Variants in MGAT5B observed in about 807,000 individuals in gnomAD.
The protein encoded by MGAT5B is alpha-1,6-mannosylglycoprotein 6-beta-N-acetylglucosaminyltransferase B.
In MGAT5B, 54 loss-of-function variants were observed where a neutral mutation model predicts 95.1. The ratio of observed to expected loss-of-function variants is 0.57; its 90% CI spans 0.46 to 0.71. The LOEUF (loss-of-function observed/expected upper bound fraction) is 0.71, where lower values mean the gene tolerates loss of function less well. Ranked by LOEUF, MGAT5B falls within the 30% of genes least tolerant of loss-of-function variation. MGAT5B has a pLI of 0.00. For missense variants in MGAT5B, 935 were observed against 1,088.6 expected (o/e 0.86, Z 1.99); for synonymous variants, 464 against 451.0 (o/e 1.03, Z -0.36).
chr17:76,916,545 C>T lies in MGAT5B; in HGVS notation c.1026-8421C>T, dbSNP rs1182089558. Among the ~76,000 whole-genome samples, 3 of 152,198 alleles carry T rather than the reference C, an allele frequency of 2.0e-5. No individual in the cohort carries two copies. The highest frequency in any genetic ancestry group is 4.4e-5 in the Non-Finnish European group (3 of 68,038). On this transcript the variant is annotated intron_variant, in intron 8 of 17. Coordinates refer to ENST00000569840, the MANE Select transcript of MGAT5B (RefSeq NM_001199172.2). This position sits in a 1 kb window ranked among gnomAD's most constrained non-coding sequence, Gnocchi z 5.3. ...GGCCCTCGGCTCATACCCGTAACCC[C>T]AGCACTTTGGGAGGCTGGGATTACA...
In MGAT5B at chr17:76,917,020, C is replaced by G. The variant is rs72887766; in HGVS notation, c.1026-7946C>G. On this transcript the variant is annotated intron_variant, in intron 8 of 17. Transcript: ENST00000569840. The surrounding 1 kb of genome is among the most constrained non-coding windows in gnomAD (Gnocchi z 6.1). ...GTGGTACGAATAACCCCCTAGCACT[C>G]TTCCCGACTACGCTGTCAGGTTTGA... is the stretch of plus-strand genomic sequence containing the variant. Among the ~76,000 whole-genome samples, 2,377 of 152,296 alleles carry G rather than the reference C, an allele frequency of 0.016. 29 individuals are homozygous for G. The highest frequency in any genetic ancestry group is 0.041 in the Middle Eastern group (12 of 294).
rs979164908 is a variant in MGAT5B, at chr17:76,940,017, G to A, written c.1585-385G>A. 1.3e-5 allele frequency among the ~76,000 whole-genome samples: 2 copies of A among 152,142 alleles called. No individual in the cohort carries two copies. Among genetic ancestry groups the A allele is most frequent in the African/African-American group, 4.8e-5 (2 of 41,432 alleles). On this transcript the variant is annotated intron_variant, in intron 13 of 17. Transcript: ENST00000569840. The surrounding 1 kb of genome is among the most constrained non-coding windows in gnomAD (Gnocchi z 4.3). ...AAATGTTTTTGGGATGAGTGAGTGA[G>A]GTTCCTGGAGGTCTCTTGCAGGTGC...
chr17:76,871,849 G>A (rs904284562), intron 1 of MGAT5B, among the ~76,000 whole-genome samples: 14 of 152,202 alleles, frequency 9.2e-5, no homozygotes, highest in African/African-American at 3.1e-4. Flanking sequence ...TCCCAGAAGA[G>A]CCCCAAGGCT....
At chr17:76,894,719 G>A (rs1416210944) in intron 3 of MGAT5B, among the ~76,000 whole-genome samples, 3 of 151,994 alleles carry the variant, frequency 2.0e-5, no homozygotes, top group African/African-American at 7.3e-5. Flanking sequence ...GCTGGGCGTT[G>A]TGGTGCACCT....
At chr17:76,910,782 C>G (rs562692935) in intron 8 of MGAT5B, among the ~76,000 whole-genome samples, 69 of 152,294 alleles carry the variant, frequency 4.5e-4, no homozygotes, top group African/African-American at 1.7e-3. Context: ...ATGGGCAGGC[C>G]CAGGGCTGTG....
rs1298664897 is a variant in MGAT5B at position 76,870,748 on chromosome 17, G to A, written c.68+1651G>A. On this transcript the variant is annotated intron_variant, in intron 1 of 17. Coordinates refer to ENST00000569840, the MANE Select transcript of MGAT5B (RefSeq NM_001199172.2). This position sits in a 1 kb window ranked among gnomAD's most constrained non-coding sequence, Gnocchi z 5.0. The stretch of plus-strand genomic sequence containing the variant: ...ATCAGTGAGTCCCTTCAGTTGAGGT[G>A]GGGGGCAGGCTGCAATCATAGCACC... Among the ~76,000 whole-genome samples the A allele has an allele frequency of 1.3e-5, 2 of 152,022 alleles. No individual in the cohort carries two copies. The highest frequency in any genetic ancestry group is 4.8e-5 in the African/African-American group (2 of 41,396).
intron 2 of MGAT5B, among the ~76,000 whole-genome samples, chr17:76,881,272 G>T (rs655638): frequency 0.36 from 55,108 of 152,078 alleles, 12,418 homozygotes; most frequent in African/African-American, 0.61. Flanking sequence ...TCATTTTCAT[G>T]TAATTTTCTT....
intron 8 of MGAT5B, among the ~76,000 whole-genome samples, chr17:76,921,127 G>A (rs531914094): frequency 5.9e-5 from 9 of 152,308 alleles, no homozygotes; most frequent in East Asian, 1.9e-4. Context: ...AGTTAAGCAC[G>A]TGGAGGTGAG....
chr17:76,877,364 G>C (rs1436673416), intron 2 of MGAT5B, among the ~76,000 whole-genome samples: 1 of 151,524 alleles, frequency 6.6e-6, no homozygotes, highest in Non-Finnish European at 1.5e-5. Flanking sequence ...AGTGGTAGGA[G>C]GCTATCTTTT....
intron 3 of MGAT5B, among the ~76,000 whole-genome samples, chr17:76,888,869 C>T (rs1416093792): frequency 1.3e-5 from 2 of 152,190 alleles, no homozygotes; most frequent in Admixed American, 6.5e-5. Flanking sequence ...TGGCCCCGGC[C>T]CATCACCCTA....
rs1969820875 is a variant in MGAT5B at position 76,940,319 on chromosome 17, C to G, written c.1585-83C>G. 6.8e-7 allele frequency: 1 copy of G among 1,465,812 alleles called. No individual in the cohort carries two copies. Among genetic ancestry groups the G allele is most frequent in the Non-Finnish European group, 9.1e-7 (1 of 1,102,766 alleles). The allele number at this position is 1,465,812 out of a possible 1,614,324, so 90.8% of individuals were successfully genotyped here. A position where few individuals can be genotyped will look rare whatever the true frequency, so the allele number is the denominator to read the frequency against. ...CTGCCTCCTGTGAATATCCCGAAGC[C>G]TCACCTTGTCCCCGGCATCCTGGTG... is the stretch of plus-strand genomic sequence containing the variant. On this transcript the variant is annotated intron_variant, in intron 13 of 17. Transcript: ENST00000569840. The surrounding 1 kb of genome is among the most constrained non-coding windows in gnomAD (Gnocchi z 4.3).
chr17:76,882,270 G>T lies in MGAT5B; in HGVS notation c.301G>T (p.Gly101Cys). 1 of 1,612,868 alleles carries T rather than the reference G, an allele frequency of 6.2e-7. No individual in the cohort carries two copies. The highest frequency in any genetic ancestry group is 8.5e-7 in the Non-Finnish European group (1 of 1,179,694). ...LENSSELHRAGGDLHFPADRM... is the reference protein window; with the variant it reads ...LENSSELHRACGDLHFPADRM... Reference sequence around the variant, plus strand: ...GAACAGCAGTGAGCTGCACCGGGCCGGCGGCGACCTGCACTTTCCCGCAGA... The same window carrying T: ...GAACAGCAGTGAGCTGCACCGGGCCTGCGGCGACCTGCACTTTCCCGCAGA... Residue 101 changes from glycine to cysteine, a missense_variant, in exon 3 of 18, where the codon GGC (glycine) becomes TGC (cysteine). Physicochemically the swap from Gly to Cys is radical, Grantham distance 159. This residue lies in a region of MGAT5B where 243 missense variants were observed against 228.2 expected (regional missense o/e 1.06). Coordinates refer to ENST00000569840, the MANE Select transcript of MGAT5B (RefSeq NM_001199172.2).
chr17:76,943,349 A>G (rs960970217), intron 15 of MGAT5B, among the ~76,000 whole-genome samples: 34 of 152,272 alleles, frequency 2.2e-4, no homozygotes, highest in African/African-American at 7.5e-4. Context: ...CTCTGCCTTC[A>G]GACCCCTCCC....
At chr17:76,886,331 A>G (rs1456527850) in intron 3 of MGAT5B, among the ~76,000 whole-genome samples, 1 of 152,076 alleles carries the variant, frequency 6.6e-6, no homozygotes, top group African/African-American at 2.4e-5. Context: ...GGCCCCTCAG[A>G]GTGGGGCAGA....
chr17:76,869,678 C>A lies in MGAT5B; in HGVS notation c.68+581C>A, dbSNP rs1384372833. On this transcript the variant is annotated intron_variant, in intron 1 of 17. Transcript: ENST00000569840. This position sits in a 1 kb window ranked among gnomAD's most constrained non-coding sequence, Gnocchi z 7.0. ...GCGAGGACTCGCTCATCCCAGGATT[C>A]GCCCCCGATCGCAGGCGTCGGAGAG... Among the ~76,000 whole-genome samples, 1 of 152,224 alleles carries A rather than the reference C, an allele frequency of 6.6e-6. No homozygotes were observed. Among genetic ancestry groups the A allele is most frequent in the African/African-American group, 2.4e-5 (1 of 41,458 alleles).
chr17:76,913,857 T>G (rs769739681), intron 8 of MGAT5B: 1 of 449,710 alleles, frequency 2.2e-6, no homozygotes, highest in South Asian at 1.6e-5. Context: ...ACTCCTGTAA[T>G]CCCAGCACTT....
At chr17:76,921,635 C>T (rs1795922834) in intron 8 of MGAT5B, among the ~76,000 whole-genome samples, 1 of 152,020 alleles carries the variant, frequency 6.6e-6, no homozygotes, top group African/African-American at 2.4e-5. Flanking sequence ...TGCTGCAGAT[C>T]CTGGGGGGCG....
intron 2 of MGAT5B, among the ~76,000 whole-genome samples, chr17:76,878,430 G>T (rs1598891404): frequency 6.6e-6 from 1 of 152,150 alleles, no homozygotes; most frequent in Admixed American, 6.5e-5. Flanking sequence ...CATGGTCATC[G>T]TGAAACCCAG....
chr17:76,903,315 G>C lies in MGAT5B; in HGVS notation c.458G>C (p.Arg153Pro). Residue 153 changes from arginine (R) to proline (P), a missense_variant, in exon 5 of 18, where the codon CGG becomes CCG. Around this residue, in one of 4 missense-constraint regions of MGAT5B, gnomAD observed 243 missense variants for 228.2 expected, o/e 1.06. Transcript: ENST00000569840. ...CCTCTCCCTACAGTGTCAGAAGGCC[G>C]GCGGGACCAGTGTGAGGCACCCAGT... ...LLLHSKVSEG[R>P]RDQCEAPSDP... is the part of the protein sequence containing the mutation. 1.2e-6 allele frequency: 2 copies of C among 1,610,878 alleles called. No homozygotes were observed. Among genetic ancestry groups the C allele is most frequent in the Non-Finnish European group, 1.7e-6 (2 of 1,178,526 alleles).
Sources: gnomAD v4.1 joint callset for allele counts (sites outside exome capture counted in the v4.1 genomes callset) on GRCh38, gnomAD v4.1.1 for gene constraint, gnomAD v4.1.1 regional missense constraint, Gnocchi (gnomAD v3.1) non-coding constraint, MANE v1.5 for transcripts, NCBI Gene and HGNC (gene_info 2026-07-23, HGNC 2026-07-21) for gene names.